Variants in SLIT2 observed in about 807,000 individuals in gnomAD.
The protein encoded by SLIT2 is slit homolog 2 protein.
Under a neutral mutation model 185.7 loss-of-function variants are expected in SLIT2, and 41 were observed. The observed-to-expected ratio is 0.22, with a 90% CI of 0.17 to 0.29. The LOEUF (loss-of-function observed/expected upper bound fraction) is 0.29, where lower values mean the gene tolerates loss of function less well. Among genes scored for constraint, SLIT2 ranks in the 10% least tolerant of loss-of-function variants. The probability of loss-of-function intolerance (pLI) is 1.00; values close to 1 mark genes in which losing one functional copy is unlikely to be tolerated. For missense variants in SLIT2, 1,571 were observed against 1,909.0 expected, an observed-to-expected ratio of 0.82 and a Z score of 3.30; for synonymous variants, 693 against 680.2, an observed-to-expected ratio of 1.02 and a Z score of -0.29.
chr4:20,318,495 G>T (rs1435334254), intron 4 of SLIT2, among the ~76,000 whole-genome samples: 2 of 152,146 alleles, frequency 1.3e-5, no homozygotes, highest in Non-Finnish European at 2.9e-5. Context: ...ATGATGAAAC[G>T]AATTAAAAGT....
intron 8 of SLIT2, among the ~76,000 whole-genome samples, chr4:20,489,526 G>A (rs1717584245): frequency 6.6e-6 from 1 of 152,244 alleles, no homozygotes; most frequent in Non-Finnish European, 1.5e-5. Flanking sequence ...GCCCACGCCT[G>A]TAATCCCAGC....
chr4:20,556,730 A>G (rs896817383), intron 26 of SLIT2, among the ~76,000 whole-genome samples: 1 of 125,060 alleles, frequency 8.0e-6, no homozygotes, highest in Middle Eastern at 3.4e-3. Context: ...AGAAATTATT[A>G]ACAACAACAA....
intron 4 of SLIT2, among the ~76,000 whole-genome samples, chr4:20,286,298 A>G (rs1329103316): frequency 6.6e-6 from 1 of 152,040 alleles, no homozygotes; most frequent in Non-Finnish European, 1.5e-5. Flanking sequence ...CCCTCATCCC[A>G]TCATTTTCCA....
intron 11 of SLIT2, among the ~76,000 whole-genome samples, chr4:20,516,006 AG>A (rs1720179184): frequency 1.3e-5 from 2 of 152,156 alleles, no homozygotes; most frequent in African/African-American, 4.8e-5. Context: ...TAGTAGAGAC[AG>A]GGTTTCACTG....
Position 20,253,996 on chromosome 4 carries a change from T to G in SLIT2, c.179+2T>G. The G allele has an allele frequency of 6.3e-7, 1 of 1,599,666 alleles. No homozygotes were observed. The highest frequency in any genetic ancestry group is 8.5e-7 in the Non-Finnish European group (1 of 1,178,314). On this transcript the variant is annotated splice_donor_variant, in intron 1 of 36. Coordinates refer to ENST00000504154, the MANE Select transcript of SLIT2 (RefSeq NM_004787.4). LOFTEE classifies it high-confidence loss of function. The stretch of plus-strand genomic sequence containing the variant: ...TATCCCCCGCAACACCGAGAGACTG[T>G]GAGTATGCGCTCTTCGTCTTCCCCT...
intron 32 of SLIT2, among the ~76,000 whole-genome samples, chr4:20,597,211 A>G (rs1471663676): frequency 6.6e-6 from 1 of 151,896 alleles, no homozygotes. Flanking sequence ...GACGACAAGC[A>G]TGTGCCACTA....
chr4:20,508,464 T>C (rs1719403485), intron 9 of SLIT2, among the ~76,000 whole-genome samples: 1 of 152,072 alleles, frequency 6.6e-6, no homozygotes, highest in Admixed American at 6.6e-5. Context: ...TGGAATATTA[T>C]GAAGGCATTA....
At chr4:20,261,280 T>C (rs531703102) in intron 3 of SLIT2, among the ~76,000 whole-genome samples, 1 of 151,994 alleles carries the variant, frequency 6.6e-6, no homozygotes, top group East Asian at 1.9e-4. Context: ...ACCAGTTAAT[T>C]CAATGGAAAT....
intron 4 of SLIT2, among the ~76,000 whole-genome samples, chr4:20,437,770 C>G (rs990043190): frequency 1.3e-5 from 2 of 151,988 alleles, no homozygotes; most frequent in South Asian, 4.2e-4. Context: ...AAAAAATTAG[C>G]TGGGCATGGT....
chr4:20,271,971 G>A (rs1055592414), intron 4 of SLIT2, among the ~76,000 whole-genome samples: 7 of 152,128 alleles, frequency 4.6e-5, no homozygotes, highest in East Asian at 1.9e-4. Flanking sequence ...TGCTGCTAGC[G>A]GCCAAATATG....
In SLIT2 at chr4:20,484,834, T is replaced by A. The variant is rs1717052252; in HGVS notation, c.540-1366T>A. On this transcript the variant is annotated intron_variant, in intron 6 of 36. Coordinates refer to ENST00000504154, the MANE Select transcript of SLIT2 (RefSeq NM_004787.4). This position sits in a 1 kb window ranked among gnomAD's most constrained non-coding sequence, Gnocchi z 4.3. ...TCAGTAGTCCATTGGAGCTGGAGATTATCTGCCACAAGAGAGACTATCATT... is the reference window on the plus strand; with the variant it reads ...TCAGTAGTCCATTGGAGCTGGAGATAATCTGCCACAAGAGAGACTATCATT... Among the ~76,000 whole-genome samples the A allele has an allele frequency of 6.6e-6, 1 of 152,152 alleles. No homozygotes were observed. The highest frequency in any genetic ancestry group is 1.5e-5 in the Non-Finnish European group (1 of 68,002).
At chr4:20,600,992 AAAG>A (rs1475741039) in intron 33 of SLIT2, among the ~76,000 whole-genome samples, 5 of 151,992 alleles carry the variant, frequency 3.3e-5, no homozygotes, top group Non-Finnish European at 5.9e-5. Flanking sequence ...AATGAAGAAA[AAAG>A]AAGGAAGACA....
chr4:20,453,165 G>A (rs1712667349), intron 4 of SLIT2, among the ~76,000 whole-genome samples: 2 of 152,108 alleles, frequency 1.3e-5, no homozygotes, highest in African/African-American at 4.8e-5. Flanking sequence ...CCGGATATGG[G>A]TTTTGAACCT....
intron 4 of SLIT2, among the ~76,000 whole-genome samples, chr4:20,441,992 C>T (rs17538270): frequency 0.23 from 35,375 of 151,958 alleles, 4,262 homozygotes; most frequent in Non-Finnish European, 0.27. Flanking sequence ...CAATAAAAAA[C>T]ATTTAATCAA....
At chr4:20,343,450 G>A (rs61789379) in intron 4 of SLIT2, among the ~76,000 whole-genome samples, 25,069 of 151,650 alleles carry the variant, frequency 0.17, 2,280 homozygotes, top group South Asian at 0.23. Context: ...GTATGTATAC[G>A]CAATTTATCC....
chr4:20,523,118 A>T (rs1720978246), intron 12 of SLIT2, among the ~76,000 whole-genome samples: 1 of 152,156 alleles, frequency 6.6e-6, no homozygotes, highest in African/African-American at 2.4e-5. Flanking sequence ...CATCTGGGAG[A>T]TGAACATTTC....
At chr4:20,609,015 G>A (rs1325378362) in intron 33 of SLIT2, among the ~76,000 whole-genome samples, 3 of 152,060 alleles carry the variant, frequency 2.0e-5, no homozygotes, top group South Asian at 2.1e-4. Context: ...AGGTAAGTAC[G>A]TTCTTAACAC....
At position 20,261,240 on chromosome 4, in the gene SLIT2, T is replaced by A. The variant is rs564623841; in HGVS notation, c.323+3301T>A. On this transcript the variant is annotated intron_variant, in intron 3 of 36. Coordinates refer to ENST00000504154, the MANE Select transcript of SLIT2 (RefSeq NM_004787.4). ...GTCTCCTGTTGTTTAATCAAAAAAA[T>A]TTTCAAATGAAATGTACTCTACCTA... 5.3e-5 allele frequency among the ~76,000 whole-genome samples: 8 copies of A among 151,834 alleles called. No individual in the cohort carries two copies. In the South Asian group the frequency reaches 1.2e-3, roughly 24 times the overall value.
At chr4:20,255,258 C>T (rs926918649) in intron 1 of SLIT2, among the ~76,000 whole-genome samples, 1 of 152,222 alleles carries the variant, frequency 6.6e-6, no homozygotes, top group Non-Finnish European at 1.5e-5. Context: ...GCCCATTGCA[C>T]TTCAAGTCGC....
Sources: allele counts gnomAD v4.1 joint callset (sites outside exome capture counted in the v4.1 genomes callset), GRCh38; gene constraint gnomAD v4.1.1; non-coding constraint Gnocchi (gnomAD v3.1); transcripts MANE v1.5; gene names NCBI Gene and HGNC (gene_info 2026-07-23, HGNC 2026-07-21).